The following SAMD14 variants were observed in gnomAD, a reference collection of about 807,000 sequenced individuals.
SAMD14 encodes the protein sterile alpha motif domain-containing protein 14.
In SAMD14, 27 loss-of-function variants were observed where a neutral mutation model predicts 46.2. That is an observed-to-expected ratio of 0.58 (90% CI 0.43 to 0.81). The LOEUF is 0.81. Ranked by LOEUF, SAMD14 falls within the 30% of genes least tolerant of loss-of-function variation. The pLI, the probability that SAMD14 is intolerant of heterozygous loss-of-function variation, is 0.00. For synonymous variants in SAMD14, 241 were observed against 254.3 expected, an observed-to-expected ratio of 0.95 and a Z score of 0.50; for missense variants, 559 against 582.2, an observed-to-expected ratio of 0.96 and a Z score of 0.41.
rs1338694812 is a variant in SAMD14 at position 50,124,773 on chromosome 17, A to ACGCGCG, written c.43+143_43+144insCGCGCG. 8.7e-3 allele frequency: 2,932 copies of ACGCGCG among 335,722 alleles called. 12 individuals are homozygous for ACGCGCG. Among genetic ancestry groups the ACGCGCG allele is most frequent in the Non-Finnish European group, 0.012 (2,140 of 182,920 alleles). 20.8% of individuals were successfully genotyped at this position (335,722 alleles called of 1,614,324 possible). On this transcript the variant is annotated intron_variant, in intron 2 of 9. Coordinates refer to ENST00000330175, the MANE Select transcript of SAMD14 (RefSeq NM_001257359.2). Reference sequence around the variant, plus strand: ...CCTGCACGCGTGCACGCGCGCGCGCACACACACACACACACACACACACAC... The same window carrying ACGCGCG: ...CCTGCACGCGTGCACGCGCGCGCGCACGCGCGCACACACACACACACACACACACAC...
intron 9 of SAMD14, chr17:50,113,418 T>C: frequency 3.9e-6 from 1 of 257,270 alleles, no homozygotes; most frequent in South Asian, 5.8e-5. Context: ...TCCAGAGACT[T>C]CCTGGGGGCT....
chr17:50,120,988 G>A (rs1253268624), intron 2 of SAMD14, among the ~76,000 whole-genome samples: 8 of 152,238 alleles, frequency 5.3e-5, no homozygotes, highest in African/African-American at 1.9e-4. Flanking sequence ...TAGAATGTCA[G>A]CTCCATGAGG....
chr17:50,119,514 C>T (rs1369777896), intron 2 of SAMD14, among the ~76,000 whole-genome samples: 1 of 152,098 alleles, frequency 6.6e-6, no homozygotes, highest in African/African-American at 2.4e-5. Context: ...GGCTTAACTA[C>T]CACCTATTTC....
Position 50,112,994 on chromosome 17 carries a change from CCTT to C in SAMD14, c.1150_1152del (p.Lys384del). 6.2e-7 allele frequency: 1 copy of C among 1,612,402 alleles called. No individual in the cohort carries two copies. The highest frequency in any genetic ancestry group is 8.5e-7 in the Non-Finnish European group (1 of 1,179,992). On this transcript the variant is annotated inframe_deletion, in exon 10 of 10. Transcript: ENST00000330175. ...TCCTTCTCGGCAGCTGCTGCCATCT[CCTT>C]CAACTTGCGCTTCACCAGTGCCCGG... is the stretch of plus-strand genomic sequence containing the variant.
intron 4 of SAMD14, among the ~76,000 whole-genome samples, chr17:50,116,902 T>C (rs1911235161): frequency 6.6e-6 from 1 of 151,882 alleles, no homozygotes; most frequent in Non-Finnish European, 1.5e-5. Context: ...TTTTGTTTTG[T>C]TTTTGAGGCA....
intron 2 of SAMD14, among the ~76,000 whole-genome samples, chr17:50,119,902 G>C (rs1911418777): frequency 1.3e-5 from 2 of 152,160 alleles, no homozygotes; most frequent in Non-Finnish European, 2.9e-5. Context: ...GTGAACAGTA[G>C]CTCCATTCTT....
rs1489775083 is a variant in SAMD14 at position 50,110,145 on chromosome 17, T to TC, written c.*2747dup. 4 of 1,525,454 alleles carry TC rather than the reference T, an allele frequency of 2.6e-6. No individual in the cohort carries two copies. Among genetic ancestry groups the TC allele is most frequent in the African/African-American group, 2.7e-5 (2 of 73,184 alleles). The allele number at this position is 1,525,454 out of a possible 1,614,324, so 94.5% of individuals were successfully genotyped here. A position where few individuals can be genotyped will look rare whatever the true frequency, so the allele number is the denominator to read the frequency against. ...GAGAGGACGGACTGCCGCCTCTGGG[T>TC]CCCCCCACCGTGGTGCCCCTCACCA... On this transcript the variant is annotated 3_prime_UTR_variant, in exon 10 of 10. Transcript: ENST00000330175.
At position 50,116,022 on chromosome 17, in the gene SAMD14, G is replaced by C. The variant is rs145223018; in HGVS notation, c.568C>G (p.Arg190Gly). The C allele has an allele frequency of 1.2e-3, 1,891 of 1,614,100 alleles. 16 individuals are homozygous for C. The highest frequency in any genetic ancestry group is 4.1e-4 in the Non-Finnish European group (489 of 1,179,968). Residue 190 changes from arginine to glycine, a missense_variant, in exon 5 of 10, where the codon CGA becomes GGA. By Grantham distance (125) the Arg-to-Gly change is moderately radical. Transcript: ENST00000330175. The stretch of plus-strand genomic sequence containing the variant: ...ACTCACCCCAGGTCCAGGAACTTTC[G>C]GCGAGTCTTCTTATCGAGGCCGATG... ...PTIGLDKKTR[R>G]KFLDLGVTLR...
rs1045519698 is a variant in SAMD14 at position 50,110,173 on chromosome 17, C to T, written c.*2720G>A. 12 of 1,447,078 alleles carry T rather than the reference C, an allele frequency of 8.3e-6. No homozygotes were observed. The highest frequency in any genetic ancestry group is 2.3e-5 in the Admixed American group (1 of 44,062). 89.6% of individuals were successfully genotyped at this position (1,447,078 alleles called of 1,614,324 possible). On this transcript the variant is annotated 3_prime_UTR_variant, in exon 10 of 10. Coordinates refer to ENST00000330175, the MANE Select transcript of SAMD14 (RefSeq NM_001257359.2). ...CCCCACCGTGGTGCCCCTCACCATCCTCCTGGGGGAGCAGGGGGTGGGTTC... is the reference window on the plus strand; with the variant it reads ...CCCCACCGTGGTGCCCCTCACCATCTTCCTGGGGGAGCAGGGGGTGGGTTC...
rs202103181 is a variant in SAMD14 at position 50,114,443 on chromosome 17, G to A, written c.823-137C>T. ...TGTGCATGAGCCAGGAGCTGGGCCT[G>A]CACACAGGACATGATAACTCATGTC... On this transcript the variant is annotated intron_variant, in intron 7 of 9. Transcript: ENST00000330175. The A allele has an allele frequency of 1.9e-5, 31 of 1,612,504 alleles. No homozygotes were observed. The South Asian group carries it at 3.1e-4, about 16-fold the overall frequency.
chr17:50,117,619 C>G lies in SAMD14; in HGVS notation c.287G>C (p.Gly96Ala). Residue 96 changes from glycine (G) to alanine (A), a missense_variant, in exon 4 of 10, where the codon GGC becomes GCC. By Grantham distance (60) the Gly-to-Ala change is moderately conservative. Transcript: ENST00000330175. ...LHSGPGSPAG[G>A]SFCLDPPGLR... ...CCCCGGAGGATCCAGGCAGAAAGAGCCCCCGGCCGGGGACCCCGGGCCTGA... is the reference window on the plus strand; with the variant it reads ...CCCCGGAGGATCCAGGCAGAAAGAGGCCCCGGCCGGGGACCCCGGGCCTGA... 1 of 1,556,178 alleles carries G rather than the reference C, an allele frequency of 6.4e-7. No individual in the cohort carries two copies. Among genetic ancestry groups the G allele is most frequent in the Non-Finnish European group, 8.6e-7 (1 of 1,160,916 alleles).
intron 2 of SAMD14, among the ~76,000 whole-genome samples, chr17:50,121,804 C>T (rs1911513936): frequency 9.4e-6 from 1 of 105,986 alleles, no homozygotes; most frequent in African/African-American, 3.6e-5. Context: ...AGAGCACTGG[C>T]CCTGGCCCAG....
Position 50,114,055 on chromosome 17 carries a change from CA to C in SAMD14, c.966del (p.Val323SerfsTer30), listed in dbSNP as rs1226256813. On this transcript the variant is annotated frameshift_variant, in exon 9 of 10. Coordinates refer to ENST00000330175, the MANE Select transcript of SAMD14 (RefSeq NM_001257359.2). LOFTEE classifies it high-confidence loss of function. The part of the protein sequence containing the change: ...SDEFLDEPLP[P>X]VHHWTSQQVG... ...ACCTGCTGGCTGGTCCAGTGGTGGA[CA>C]GGGGGGAGGGGTTCATCCAGGAACT... 3.7e-6 allele frequency: 6 copies of C among 1,613,562 alleles called. No homozygotes were observed. Among genetic ancestry groups the C allele is most frequent in the Admixed American group, 1.7e-5 (1 of 60,014 alleles).
In SAMD14 at chr17:50,115,775, C is replaced by T. The variant is rs1400019185; in HGVS notation, c.663-52G>A. ...GTGGGTACAGAGGGGAGGACCAGAGCACATGGGGAGCCAGGGGCGGGAGCT... is the reference window on the plus strand; with the variant it reads ...GTGGGTACAGAGGGGAGGACCAGAGTACATGGGGAGCCAGGGGCGGGAGCT... On this transcript the variant is annotated intron_variant, in intron 6 of 9. Transcript: ENST00000330175. This position sits in a 1 kb window ranked among gnomAD's most constrained non-coding sequence, Gnocchi z 5.3. The T allele has an allele frequency of 6.2e-6, 10 of 1,613,232 alleles. No individual in the cohort carries two copies. Among genetic ancestry groups the T allele is most frequent in the Non-Finnish European group, 6.8e-6 (8 of 1,179,868 alleles).
rs921526045 is a variant in SAMD14 at position 50,115,187 on chromosome 17, C to T, written c.822+377G>A. Among the ~76,000 whole-genome samples the T allele has an allele frequency of 1.3e-5, 2 of 152,098 alleles. No homozygotes were observed. The highest frequency in any genetic ancestry group is 2.9e-5 in the Non-Finnish European group (2 of 68,008). ...GTTGGGGTCCTGTTTGTCTCTATATCCCCCAGGCCTCACCCTACCAAGCAG... is the reference window on the plus strand; with the variant it reads ...GTTGGGGTCCTGTTTGTCTCTATATTCCCCAGGCCTCACCCTACCAAGCAG... On this transcript the variant is annotated intron_variant, in intron 7 of 9. Transcript: ENST00000330175. The surrounding 1 kb of genome is among the most constrained non-coding windows in gnomAD (Gnocchi z 5.3).
chr17:50,114,327 G>A (rs775182864), intron 7 of SAMD14, 21 bp from the exon 8 acceptor site: 2 of 1,613,966 alleles, frequency 1.2e-6, no homozygotes, highest in African/African-American at 1.3e-5. Flanking sequence ...AAAGGTGCAT[G>A]CCACTGAGGA....
chr17:50,113,065 G>A lies in SAMD14; in HGVS notation c.1099-17C>T, dbSNP rs1910951771. 1 of 1,609,438 alleles carries A rather than the reference G, an allele frequency of 6.2e-7. No homozygotes were observed. Among genetic ancestry groups the A allele is most frequent in the African/African-American group, 1.3e-5 (1 of 74,876 alleles). ...CCCCAGGCTCTGGGGAGGAGTCCGG[G>A]GTGAGGGAGAGAGTCCCAGAACCTT... is the stretch of plus-strand genomic sequence containing the variant. On this transcript the variant is annotated splice_polypyrimidine_tract_variant and intron_variant, in intron 9 of 9. Transcript: ENST00000330175.
At chr17:50,127,892 G>C (rs981891890) in intron 1 of SAMD14, among the ~76,000 whole-genome samples, 4 of 152,182 alleles carry the variant, frequency 2.6e-5, no homozygotes, top group Admixed American at 1.3e-4. Context: ...GCTGTCCTAG[G>C]TAGCCCTCCC....
At chr17:50,117,891 G>T in intron 3 of SAMD14, 196 bp from the exon 4 acceptor site, 1 of 658,128 alleles carries the variant, frequency 1.5e-6, no homozygotes, top group Non-Finnish European at 2.4e-6. Context: ...ACAGGCTGGG[G>T]CTGAATTCCC....
Sources: allele counts gnomAD v4.1 joint callset (sites outside exome capture counted in the v4.1 genomes callset), GRCh38; gene constraint gnomAD v4.1.1; non-coding constraint Gnocchi (gnomAD v3.1); transcripts MANE v1.5; gene names NCBI Gene and HGNC (gene_info 2026-07-23, HGNC 2026-07-21).